The following ANKMY1 variants were observed in gnomAD, a reference collection of about 807,000 sequenced individuals.
The protein encoded by ANKMY1 is ankyrin repeat and MYND domain containing 1.
A neutral mutation model predicts 102.0 loss-of-function variants in ANKMY1; 98 were observed. That is an observed-to-expected ratio of 0.96 (90% confidence interval 0.82 to 1.14). ANKMY1 has a LOEUF of 1.14. ANKMY1 is among the 50% of genes most tolerant of loss of function. ANKMY1 has a pLI of 0.00. For missense variants in ANKMY1, 1,330 were observed against 1,347.6 expected (o/e 0.99, Z 0.20); for synonymous variants, 582 against 559.9 (o/e 1.04, Z -0.56).
intron 15 of ANKMY1, among the ~76,000 whole-genome samples, chr2:240,488,352 A>G (rs2076286736): frequency 6.6e-6 from 1 of 152,216 alleles, no homozygotes; most frequent in Non-Finnish European, 1.5e-5. Context: ...ACATCAGTAC[A>G]TGCTGTTTTG....
At chr2:240,527,620 A>AGGTGGGT (rs2083976305) in intron 5 of ANKMY1, 6 of 3,464 alleles carry the variant, frequency 1.7e-3, no homozygotes, top group Middle Eastern at 0.056. Context: ...AATGGATGTT[A>AGGTGGGT]AGTGGGTGGA....
chr2:240,470,191 G>A, the ANKMY1 span, among the ~76,000 whole-genome samples: 1 of 152,216 alleles, frequency 6.6e-6, no homozygotes, highest in African/African-American at 2.4e-5. Flanking sequence ...TGGGACAGAC[G>A]ACTAACTCCC....
rs887900066 is a variant in ANKMY1, at chr2:240,506,450, T to C, written c.2526+1110A>G. On this transcript the variant is annotated intron_variant, in intron 13 of 17. Coordinates refer to ENST00000401804, the MANE Select transcript of ANKMY1 (RefSeq NM_001282771.3). The surrounding 1 kb of genome is among the most constrained non-coding windows in gnomAD (Gnocchi z 4.9). ...AACTGACTTCTGCGTCCTCACTTAG[T>C]CTATCCAGACAGAACAGGGTCTTAG... Among the ~76,000 whole-genome samples the C allele has an allele frequency of 6.6e-6, 1 of 152,136 alleles. No individual in the cohort carries two copies. Among genetic ancestry groups the C allele is most frequent in the African/African-American group, 2.4e-5 (1 of 41,404 alleles).
chr2:240,551,792 G>A (rs768469445), intron 4 of ANKMY1, among the ~76,000 whole-genome samples: 2 of 152,104 alleles, frequency 1.3e-5, no homozygotes, highest in Non-Finnish European at 2.9e-5. Flanking sequence ...CAAAAAGGGG[G>A]GACTGAAACC....
intron 4 of ANKMY1, among the ~76,000 whole-genome samples, chr2:240,546,157 A>C (rs2090322382): frequency 6.6e-6 from 1 of 152,244 alleles, no homozygotes; most frequent in African/African-American, 2.4e-5. Flanking sequence ...CTAACAGTGG[A>C]TCTCTCGGCA....
chr2:240,536,790 G>T (rs983215818), intron 4 of ANKMY1, among the ~76,000 whole-genome samples: 1 of 152,002 alleles, frequency 6.6e-6, no homozygotes, highest in Non-Finnish European at 1.5e-5. Context: ...TTTTTCCCTG[G>T]ATTCTATAAT....
intron 13 of ANKMY1, among the ~76,000 whole-genome samples, chr2:240,500,831 C>T (rs2078052941): frequency 6.6e-6 from 1 of 152,216 alleles, no homozygotes; most frequent in Non-Finnish European, 1.5e-5. Flanking sequence ...TCCCTGGCAC[C>T]CGACTCCCAG....
chr2:240,500,918 A>G (rs1468889610), intron 13 of ANKMY1, among the ~76,000 whole-genome samples: 6 of 152,234 alleles, frequency 3.9e-5, no homozygotes, highest in Non-Finnish European at 8.8e-5. Flanking sequence ...TGAGGCAGAC[A>G]CCGGGCAGCT....
intron 13 of ANKMY1, among the ~76,000 whole-genome samples, chr2:240,504,224 G>A (rs1321496900): frequency 6.6e-6 from 1 of 152,234 alleles, no homozygotes; most frequent in Non-Finnish European, 1.5e-5. Flanking sequence ...GGGTCCTGCA[G>A]CACCATCATT....
At position 240,520,322 on chromosome 2, in the gene ANKMY1, T is replaced by G; in HGVS notation, c.2004+40A>C. Reference sequence around the variant, plus strand: ...GCTTCCCGGCCAGTGCCCGGGAGTCTGCTGCGCTCGTCCCGGCGCCCGCCC... The same window carrying G: ...GCTTCCCGGCCAGTGCCCGGGAGTCGGCTGCGCTCGTCCCGGCGCCCGCCC... On this transcript the variant is annotated intron_variant, in intron 9 of 17. Coordinates refer to ENST00000401804, the MANE Select transcript of ANKMY1 (RefSeq NM_001282771.3). This position sits in a 1 kb window ranked among gnomAD's most constrained non-coding sequence, Gnocchi z 4.8. 1 of 1,506,204 alleles carries G rather than the reference T, an allele frequency of 6.6e-7. No homozygotes were observed. The highest frequency in any genetic ancestry group is 2.2e-5 in the Admixed American group (1 of 46,440). 93.3% of individuals were successfully genotyped at this position (1,506,204 alleles called of 1,614,324 possible).
chr2:240,526,252 A>G lies in ANKMY1; in HGVS notation c.1147T>C (p.Tyr383His). ...ACAGCAGCCGCAGCAAGCACAGTGT[A>G]GCCCTTTGCGTCCGCCACGTCAGCA... ...ASADVADAKG[Y>H]TVLAAAATHC... Residue 383 changes from tyrosine (Y) to histidine (H), a missense_variant, in exon 6 of 18, where the codon TAC (tyrosine) becomes CAC (histidine). Transcript: ENST00000401804. 1 of 1,614,120 alleles carries G rather than the reference A, an allele frequency of 6.2e-7. No individual in the cohort carries two copies. Among genetic ancestry groups the G allele is most frequent in the Non-Finnish European group, 8.5e-7 (1 of 1,180,022 alleles).
chr2:240,520,519 CA>C lies in ANKMY1; in HGVS notation c.1846del (p.Trp616GlyfsTer28), dbSNP rs2082005661. ...GCGCAGCAGCAGCTTGATGGTCCGC[CA>C]GCGCTTCCTCCGCCTGAAAAAGACG... is the stretch of plus-strand genomic sequence containing the variant. ...ALSMIERRKRWRTIKLLLRRG... is the reference protein window; with the variant it reads ...ALSMIERRKRXRTIKLLLRRG... On this transcript the variant is annotated frameshift_variant, in exon 9 of 18. Coordinates refer to ENST00000401804, the MANE Select transcript of ANKMY1 (RefSeq NM_001282771.3). LOFTEE classifies it high-confidence loss of function. The surrounding 1 kb of genome is among the most constrained non-coding windows in gnomAD (Gnocchi z 4.8). The C allele has an allele frequency of 6.2e-7, 1 of 1,612,060 alleles. No individual in the cohort carries two copies. Among genetic ancestry groups the C allele is most frequent in the South Asian group, 1.1e-5 (1 of 90,948 alleles).
chr2:240,469,130 C>T, the ANKMY1 span, among the ~76,000 whole-genome samples: 13,264 of 152,278 alleles, frequency 0.087, 628 homozygotes, highest in Non-Finnish European at 0.1. Flanking sequence ...TTGGTCCAGC[C>T]GGCAGGATCT....
the ANKMY1 span, among the ~76,000 whole-genome samples, chr2:240,474,298 C>T: frequency 5.7e-5 from 7 of 121,930 alleles, no homozygotes; most frequent in Admixed American, 9.8e-5. Context: ...TTAGTAGAGA[C>T]GGGTTTCACT....
At chr2:240,543,610 T>C (rs143806103) in intron 4 of ANKMY1, among the ~76,000 whole-genome samples, 1 of 152,122 alleles carries the variant, frequency 6.6e-6, no homozygotes, top group East Asian at 1.9e-4. Context: ...AAAATACCCA[T>C]GTAGTTAACT....
intron 5 of ANKMY1, among the ~76,000 whole-genome samples, chr2:240,528,299 C>A (rs546237538): frequency 7.3e-6 from 1 of 137,220 alleles, no homozygotes; most frequent in South Asian, 2.6e-4. Flanking sequence ...CCCCACCCCC[C>A]CCCCAAAAAA....
At chr2:240,550,651 G>A (rs576165534) in intron 4 of ANKMY1, among the ~76,000 whole-genome samples, 253 of 152,180 alleles carry the variant, frequency 1.7e-3, no homozygotes, top group Non-Finnish European at 2.8e-3. Context: ...GAATTATACC[G>A]GAAGCATTGT....
intron 4 of ANKMY1, among the ~76,000 whole-genome samples, chr2:240,545,597 A>T (rs1160358622): frequency 2.6e-5 from 4 of 152,242 alleles, no homozygotes; most frequent in Non-Finnish European, 5.9e-5. Context: ...AAGGCAAAGA[A>T]GTTGAAAACT....
At position 240,506,303 on chromosome 2, in the gene ANKMY1, T is replaced by C. The variant is rs1366724658; in HGVS notation, c.2526+1257A>G. On this transcript the variant is annotated intron_variant, in intron 13 of 17. Coordinates refer to ENST00000401804, the MANE Select transcript of ANKMY1 (RefSeq NM_001282771.3). The surrounding 1 kb of genome is among the most constrained non-coding windows in gnomAD (Gnocchi z 4.9). ...ACTTAGATGAACAAGAGACTGGTCA[T>C]CAATCCTGGGCCCTATGAAGCTCCG... Among the ~76,000 whole-genome samples, 2 of 152,184 alleles carry C rather than the reference T, an allele frequency of 1.3e-5. No individual in the cohort carries two copies. The highest frequency in any genetic ancestry group is 2.4e-5 in the African/African-American group (1 of 41,462).
Sources: gnomAD v4.1 joint callset for allele counts (sites outside exome capture counted in the v4.1 genomes callset) on GRCh38, gnomAD v4.1.1 for gene constraint, Gnocchi (gnomAD v3.1) non-coding constraint, MANE v1.5 for transcripts, NCBI Gene and HGNC (gene_info 2026-07-23, HGNC 2026-07-21) for gene names.